ACSF2: variants seen among roughly 807,000 people sequenced by gnomAD.
The protein encoded by ACSF2 is acyl-CoA synthetase family member 2, also known as medium-chain acyl-CoA ligase ACSF2, mitochondrial.
In ACSF2, 52 loss-of-function variants were observed where a neutral mutation model predicts 79.3. That is an observed-to-expected ratio of 0.66 (90% CI 0.53 to 0.83). ACSF2 has a LOEUF of 0.83. ACSF2 is among the 40% of genes least tolerant of loss of function. The pLI is 0.00. For missense variants in ACSF2, 661 were observed against 803.3 expected, an observed-to-expected ratio of 0.82 and a Z score of 2.14; for synonymous variants, 283 against 312.6, an observed-to-expected ratio of 0.91 and a Z score of 1.00.
At chr17:50,461,465 G>A (rs2032321590) in intron 3 of ACSF2, 95 bp downstream of exon 3, 3 of 1,595,438 alleles carry the variant, frequency 1.9e-6, no homozygotes. Flanking sequence ...TCAAACCAGT[G>A]CCTTGTTGGT....
chr17:50,443,289 G>A lies in ACSF2; in HGVS notation c.128+16900G>A, dbSNP rs539355599. 7.2e-5 allele frequency among the ~76,000 whole-genome samples: 11 copies of A among 152,302 alleles called. No homozygotes were observed. In the East Asian group the frequency reaches 2.1e-3, roughly 29 times the overall value. Reference sequence around the variant, plus strand: ...AGTAGAATTGCCAGGAGGCCAAACAGCTTCTCCCCTTAGATTCTCCATGGC... The same window carrying A: ...AGTAGAATTGCCAGGAGGCCAAACAACTTCTCCCCTTAGATTCTCCATGGC... On this transcript the variant is annotated intron_variant, in intron 1 of 15. Transcript: ENST00000300441.
chr17:50,469,152 G>T, intron 10 of ACSF2: 1 of 577,874 alleles, frequency 1.7e-6, no homozygotes. Context: ...CGCCTTTCCC[G>T]GGGCTTTTCT....
rs560205969 is a variant in ACSF2 at position 50,446,264 on chromosome 17, A to T, written c.129-14413A>T. ...TAAGCCCTAGAAGGTTTTTTTTTTT[A>T]AAACTTCGTGTTGAAATATATGACA... On this transcript the variant is annotated intron_variant, in intron 1 of 15. Coordinates refer to ENST00000300441, the MANE Select transcript of ACSF2 (RefSeq NM_025149.6). Among the ~76,000 whole-genome samples the T allele has an allele frequency of 1.7e-3, 260 of 151,040 alleles. 1 individual carries two copies. The highest frequency in any genetic ancestry group is 3.8e-3 in the African/African-American group (155 of 41,166).
At chr17:50,442,477 T>A (rs1366450663) in intron 1 of ACSF2, among the ~76,000 whole-genome samples, 1 of 152,050 alleles carries the variant, frequency 6.6e-6, no homozygotes, top group Non-Finnish European at 1.5e-5. Flanking sequence ...AGTTTAGTTT[T>A]GTTTTAGAGA....
At chr17:50,431,209 G>A (rs1317156244) in intron 1 of ACSF2, among the ~76,000 whole-genome samples, 2 of 152,216 alleles carry the variant, frequency 1.3e-5, no homozygotes, top group Non-Finnish European at 2.9e-5. Flanking sequence ...GTACACATCT[G>A]TTTTAGTTAC....
chr17:50,456,161 G>A (rs2031979508), intron 1 of ACSF2, among the ~76,000 whole-genome samples: 1 of 152,152 alleles, frequency 6.6e-6, no homozygotes, highest in Non-Finnish European at 1.5e-5. Flanking sequence ...AGAAATGCCT[G>A]ACACGCCCCA....
chr17:50,462,144 G>T (rs1342446919), intron 4 of ACSF2, 40 bp from the exon 5 acceptor site: 1 of 1,583,440 alleles, frequency 6.3e-7, no homozygotes, highest in Admixed American at 1.7e-5. Context: ...CTAGTCTGGG[G>T]CTCCCCGCTG....
intron 1 of ACSF2, among the ~76,000 whole-genome samples, chr17:50,432,019 C>T (rs1853803468): frequency 6.6e-6 from 1 of 152,178 alleles, no homozygotes; most frequent in African/African-American, 2.4e-5. Context: ...CCTATCTCAG[C>T]CTCCCCAGTA....
chr17:50,463,030 T>C lies in ACSF2; in HGVS notation c.793-126T>C, dbSNP rs1254754658. 2.5e-6 allele frequency: 2 copies of C among 789,886 alleles called. No individual in the cohort carries two copies. Among genetic ancestry groups the C allele is most frequent in the African/African-American group, 3.4e-5 (2 of 58,102 alleles). 48.9% of individuals were successfully genotyped at this position (789,886 alleles called of 1,614,324 possible). On this transcript the variant is annotated intron_variant, in intron 6 of 15. Coordinates refer to ENST00000300441, the MANE Select transcript of ACSF2 (RefSeq NM_025149.6). The surrounding 1 kb of genome is among the most constrained non-coding windows in gnomAD (Gnocchi z 4.6). ...CGTGGTAGACCTTTTGCAAATATAC[T>C]GAACAGATGGATCTGGGGCAACAAT... is the stretch of plus-strand genomic sequence containing the variant.
At position 50,463,682 on chromosome 17, in the gene ACSF2, C is replaced by A; in HGVS notation, c.1046+130C>A. The stretch of plus-strand genomic sequence containing the variant: ...ACTGAGGATGGGGACAGTGGAGGAC[C>A]CCCAGGAGAGGACCAGTTCCTGCCT... On this transcript the variant is annotated intron_variant, in intron 8 of 15. Coordinates refer to ENST00000300441, the MANE Select transcript of ACSF2 (RefSeq NM_025149.6). The surrounding 1 kb of genome is among the most constrained non-coding windows in gnomAD (Gnocchi z 4.6). 6.7e-7 allele frequency: 1 copy of A among 1,496,404 alleles called. No homozygotes were observed. Among genetic ancestry groups the A allele is most frequent in the South Asian group, 1.3e-5 (1 of 79,952 alleles). The allele number at this position is 1,496,404 out of a possible 1,614,324, so 92.7% of individuals were successfully genotyped here.
At chr17:50,427,451 T>A (rs1173349887) in intron 1 of ACSF2, among the ~76,000 whole-genome samples, 3 of 152,012 alleles carry the variant, frequency 2.0e-5, no homozygotes, top group African/African-American at 7.2e-5. Flanking sequence ...TCAAGGCTGG[T>A]CAGTAGATGG....
intron 1 of ACSF2, among the ~76,000 whole-genome samples, chr17:50,457,813 G>C (rs1013728689): frequency 6.6e-6 from 1 of 152,158 alleles, no homozygotes; most frequent in African/African-American, 2.4e-5. Flanking sequence ...GCTCACTAAA[G>C]CTTGCTTGAA....
Position 50,463,750 on chromosome 17 carries a change from C to T in ACSF2, c.1047-68C>T, listed in dbSNP as rs924198512. 2.3e-5 allele frequency: 35 copies of T among 1,519,530 alleles called. No homozygotes were observed. In the Admixed American group the frequency reaches 3.3e-4, roughly 14 times the overall value. 94.1% of individuals were successfully genotyped at this position (1,519,530 alleles called of 1,614,324 possible). ...TATTCCCTTTGCTGCAGTTTCATGG[C>T]GGGGTGGGTGAGAACAGGGAGTTCC... On this transcript the variant is annotated intron_variant, in intron 8 of 15. Transcript: ENST00000300441. This position sits in a 1 kb window ranked among gnomAD's most constrained non-coding sequence, Gnocchi z 4.6.
Position 50,471,345 on chromosome 17 carries a change from G to A in ACSF2, c.1323+210G>A. Reference sequence around the variant, plus strand: ...GGAAGAGCTGGAACAGTGGCTGTGAGCGGCTGCCAGCTGAACTTCTCCGCG... The same window carrying A: ...GGAAGAGCTGGAACAGTGGCTGTGAACGGCTGCCAGCTGAACTTCTCCGCG... On this transcript the variant is annotated intron_variant, in intron 11 of 15. Transcript: ENST00000300441. This position sits in a 1 kb window ranked among gnomAD's most constrained non-coding sequence, Gnocchi z 4.1. 1 of 549,300 alleles carries A rather than the reference G, an allele frequency of 1.8e-6. No homozygotes were observed. The highest frequency in any genetic ancestry group is 2.1e-5 in the South Asian group (1 of 47,160). The allele number at this position is 549,300 out of a possible 1,614,324, so 34.0% of individuals were successfully genotyped here. A position where few individuals can be genotyped will look rare whatever the true frequency, so the allele number is the denominator to read the frequency against.
chr17:50,473,586 C>CA (rs2033212613), intron 12 of ACSF2, 79 bp from the exon 13 acceptor site: 1 of 1,593,928 alleles, frequency 6.3e-7, no homozygotes, highest in South Asian at 1.1e-5. Flanking sequence ...AGTAGCTGGT[C>CA]AATAAATGTT....
At chr17:50,465,059 G>A (rs2032607730) in intron 10 of ACSF2, 2 of 551,432 alleles carry the variant, frequency 3.6e-6, no homozygotes, top group South Asian at 2.1e-5. Flanking sequence ...CCTGCAAAGA[G>A]GCAAAGATCG....
chr17:50,462,889 G>T (rs975625245), intron 6 of ACSF2: 4 of 579,708 alleles, frequency 6.9e-6, no homozygotes, highest in African/African-American at 1.9e-5. Context: ...AATCAGAGAC[G>T]CAGAAGAGAG....
intron 1 of ACSF2, 148 bp downstream of exon 1, chr17:50,426,537 G>T: frequency 1.8e-6 from 2 of 1,099,834 alleles, no homozygotes; most frequent in African/African-American, 1.6e-5. Context: ...CCAGCACCTA[G>T]GCAATAGGAA....
Position 50,465,828 on chromosome 17 carries a change from C to T in ACSF2, c.1215+1534C>T, listed in dbSNP as rs142331708. ...TTCAAGCGGTTGTTCTCCAAATGGACGTGTTTCAGCGTGGTTACACCCAGG... is the reference window on the plus strand; with the variant it reads ...TTCAAGCGGTTGTTCTCCAAATGGATGTGTTTCAGCGTGGTTACACCCAGG... On this transcript the variant is annotated intron_variant, in intron 10 of 15. Coordinates refer to ENST00000300441, the MANE Select transcript of ACSF2 (RefSeq NM_025149.6). 47 of 1,613,614 alleles carry T rather than the reference C, an allele frequency of 2.9e-5. 1 individual carries two copies. The highest frequency in any genetic ancestry group is 3.3e-4 in the Middle Eastern group (2 of 6,082).
Sources: allele counts gnomAD v4.1 joint callset (sites outside exome capture counted in the v4.1 genomes callset), GRCh38; gene constraint gnomAD v4.1.1; non-coding constraint Gnocchi (gnomAD v3.1); transcripts MANE v1.5; gene names NCBI Gene and HGNC (gene_info 2026-07-23, HGNC 2026-07-21).